The following MYT1L variants were observed in gnomAD, a reference collection of about 807,000 sequenced individuals.
MYT1L encodes myelin transcription factor 1 like, also known as myelin transcription factor 1-like protein.
A neutral mutation model predicts 126.7 loss-of-function variants in MYT1L; 12 were observed. The ratio of observed to expected loss-of-function variants is 0.09; its 90% confidence interval spans 0.06 to 0.15. The LOEUF is 0.15. Among genes scored for constraint, MYT1L ranks in the 10% least tolerant of loss-of-function variants. The probability of loss-of-function intolerance (pLI) is 1.00; values close to 1 mark genes in which losing one functional copy is unlikely to be tolerated. For missense variants in MYT1L, 979 were observed against 1,585.2 expected, an observed-to-expected ratio of 0.62 and a Z score of 6.49; for synonymous variants, 541 against 604.2, an observed-to-expected ratio of 0.90 and a Z score of 1.53.
rs147574338 is a variant in MYT1L, at chr2:2,123,976, C to G, written c.-304+48896G>C. ...CTCTTGGAGCCTCCAGGAACACAGC[C>G]CTGCAGACCCACTTCAGATACTGAC... On this transcript the variant is annotated intron_variant, in intron 3 of 24. Coordinates refer to ENST00000647738, the MANE Select transcript of MYT1L (RefSeq NM_001303052.2). Among the ~76,000 whole-genome samples the G allele has an allele frequency of 4.9e-3, 741 of 152,298 alleles. 6 individuals are homozygous for G. The highest frequency in any genetic ancestry group is 0.017 in the African/African-American group (717 of 41,554).
chr2:2,137,444 ACAAGGCTACAGTCAC>A (rs772602579), intron 3 of MYT1L, among the ~76,000 whole-genome samples: 17 of 152,324 alleles, frequency 1.1e-4, no homozygotes, highest in Non-Finnish European at 7.3e-5. Flanking sequence ...AAACTATACT[ACAAGGCTACAGTCAC>A]CAAAACAGCA....
At chr2:1,926,537 G>C (rs1225663763) in intron 9 of MYT1L, among the ~76,000 whole-genome samples, 1 of 152,156 alleles carries the variant, frequency 6.6e-6, no homozygotes, top group Non-Finnish European at 1.5e-5. Flanking sequence ...ACCTCAAAAA[G>C]CAGGAGGCCA....
intron 2 of MYT1L, among the ~76,000 whole-genome samples, chr2:2,205,993 T>G (rs1388240500): frequency 6.6e-6 from 1 of 151,502 alleles, no homozygotes; most frequent in East Asian, 1.9e-4. Context: ...TCTTTCTTTT[T>G]TTTTTTTGAA....
intron 2 of MYT1L, among the ~76,000 whole-genome samples, chr2:2,179,082 T>C (rs1342807852): frequency 2.0e-5 from 3 of 152,112 alleles, no homozygotes; most frequent in African/African-American, 4.8e-5. Flanking sequence ...CCCTTGAGCA[T>C]AGGAACCTGG....
At chr2:1,987,517 T>C (rs1016520118) in intron 5 of MYT1L, among the ~76,000 whole-genome samples, 1 of 152,152 alleles carries the variant, frequency 6.6e-6, no homozygotes, top group Admixed American at 6.5e-5. Context: ...AGCTTTCAAG[T>C]CTGGGGCCCT....
intron 3 of MYT1L, among the ~76,000 whole-genome samples, chr2:2,105,085 A>G (rs1469163966): frequency 6.6e-6 from 1 of 152,182 alleles, no homozygotes; most frequent in South Asian, 2.1e-4. Flanking sequence ...ACTTTTATTT[A>G]TTGATGATTA....
At chr2:2,275,256 T>G (rs1573052104) in intron 2 of MYT1L, among the ~76,000 whole-genome samples, 2 of 143,132 alleles carry the variant, frequency 1.4e-5, no homozygotes, top group African/African-American at 2.6e-5. Flanking sequence ...GCATGCCTGT[T>G]ATAGCAGTCA....
At chr2:1,981,090 CTA>C (rs1218324342) in intron 5 of MYT1L, among the ~76,000 whole-genome samples, 9 of 151,626 alleles carry the variant, frequency 5.9e-5, no homozygotes, top group Non-Finnish European at 1.0e-4. Context: ...CTGAAATAAA[CTA>C]GCAAGGCACA....
intron 3 of MYT1L, among the ~76,000 whole-genome samples, chr2:2,115,020 A>G (rs1453121388): frequency 6.6e-6 from 1 of 152,196 alleles, no homozygotes; most frequent in Non-Finnish European, 1.5e-5. Context: ...CAGAGCGTTC[A>G]GGGCTTTACC....
At chr2:2,282,537 T>C (rs956973145) in intron 2 of MYT1L, among the ~76,000 whole-genome samples, 1 of 152,186 alleles carries the variant, frequency 6.6e-6, no homozygotes, top group Non-Finnish European at 1.5e-5. Flanking sequence ...ATAATGCCCT[T>C]CTCAAAAGCT....
chr2:2,247,436 G>GA (rs1351774954), intron 2 of MYT1L, among the ~76,000 whole-genome samples: 1 of 152,132 alleles, frequency 6.6e-6, no homozygotes, highest in Non-Finnish European at 1.5e-5. Context: ...ACAATAGCTG[G>GA]AGACTTCAAC....
chr2:1,903,926 CGTGT>C (rs140944278), intron 13 of MYT1L, among the ~76,000 whole-genome samples: 67 of 150,582 alleles, frequency 4.4e-4, no homozygotes, highest in South Asian at 8.4e-4. Flanking sequence ...GACACCATGT[CGTGT>C]GTGTGTGTGT....
intron 23 of MYT1L, among the ~76,000 whole-genome samples, chr2:1,792,801 C>A (rs1266104024): frequency 7.3e-6 from 1 of 136,874 alleles, no homozygotes; most frequent in African/African-American, 2.7e-5. Flanking sequence ...ACCCGAGAGG[C>A]GGAGGTTGCA....
chr2:1,903,038 A>G (rs1284232121), intron 14 of MYT1L, 42 bp downstream of exon 14: 1 of 1,555,968 alleles, frequency 6.4e-7, no homozygotes. Flanking sequence ...AACATCATCA[A>G]TGGCAACGTG....
intron 11 of MYT1L, among the ~76,000 whole-genome samples, chr2:1,916,591 A>T (rs1283511326): frequency 1.3e-5 from 2 of 152,258 alleles, no homozygotes; most frequent in Non-Finnish European, 2.9e-5. Context: ...TCATGGACTT[A>T]TTCCACATGA....
chr2:2,146,741 C>A (rs2084936995), intron 3 of MYT1L, among the ~76,000 whole-genome samples: 1 of 152,160 alleles, frequency 6.6e-6, no homozygotes, highest in South Asian at 2.1e-4. Context: ...TTTCTTGGTG[C>A]AATTTTCGTA....
At chr2:2,091,648 A>C (rs1056526709) in intron 3 of MYT1L, among the ~76,000 whole-genome samples, 1 of 152,192 alleles carries the variant, frequency 6.6e-6, no homozygotes, top group African/African-American at 2.4e-5. Flanking sequence ...CCAGCTCTGA[A>C]GGCCCTAGAT....
intron 2 of MYT1L, among the ~76,000 whole-genome samples, chr2:2,250,494 G>A (rs1442300852): frequency 6.6e-6 from 1 of 150,430 alleles, no homozygotes; most frequent in Non-Finnish European, 1.5e-5. Flanking sequence ...AAAATAGAAG[G>A]AATGTTACCA....
chr2:1,892,907 CT>C (rs573933876), intron 14 of MYT1L, among the ~76,000 whole-genome samples: 1 of 152,074 alleles, frequency 6.6e-6, no homozygotes, highest in Admixed American at 6.6e-5. Context: ...GTCCAACATC[CT>C]TTTTTTTCTA....
Sources: allele counts gnomAD v4.1 joint callset (sites outside exome capture counted in the v4.1 genomes callset), GRCh38; gene constraint gnomAD v4.1.1; transcripts MANE v1.5; gene names NCBI Gene and HGNC (gene_info 2026-07-23, HGNC 2026-07-21).